The following NRXN1 variants were observed in gnomAD, a reference collection of about 807,000 sequenced individuals.
The protein encoded by NRXN1 is neurexin 1.
NRXN1 carries 39 observed loss-of-function variants against 150.9 expected under a neutral mutation model. The observed-to-expected ratio is 0.26, with a 90% CI of 0.20 to 0.34. The LOEUF (loss-of-function observed/expected upper bound fraction) is 0.34, where lower values mean the gene tolerates loss of function less well. NRXN1 is among the 10% of genes least tolerant of loss of function. NRXN1 has a pLI of 1.00. For missense variants in NRXN1, 1,815 were observed against 1,949.9 expected, an observed-to-expected ratio of 0.93 and a Z score of 1.30; for synonymous variants, 924 against 757.0, an observed-to-expected ratio of 1.22 and a Z score of -3.62.
chr2:50,032,276 T>A (rs1256954832), intron 21 of NRXN1, among the ~76,000 whole-genome samples: 2 of 152,060 alleles, frequency 1.3e-5, no homozygotes, highest in Non-Finnish European at 2.9e-5. Context: ...ACAATTAATA[T>A]TTTCCTCAGC....
chr2:50,894,449 T>C (rs927483868), intron 5 of NRXN1, among the ~76,000 whole-genome samples: 1 of 151,798 alleles, frequency 6.6e-6, no homozygotes, highest in Admixed American at 6.6e-5. Flanking sequence ...AATTCAAGAT[T>C]TGTCCTGATT....
intron 12 of NRXN1, among the ~76,000 whole-genome samples, chr2:50,509,259 C>T (rs1225362622): frequency 6.6e-6 from 1 of 152,170 alleles, no homozygotes; most frequent in African/African-American, 2.4e-5. Flanking sequence ...TTCTCACTTT[C>T]CCCATATTGG....
At chr2:50,342,667 A>G (rs2077632695) in intron 17 of NRXN1, among the ~76,000 whole-genome samples, 1 of 152,228 alleles carries the variant, frequency 6.6e-6, no homozygotes, top group African/African-American at 2.4e-5. Context: ...AGTGTGCATT[A>G]TTGTTAAAAC....
Position 50,725,949 on chromosome 2 carries a change from A to G in NRXN1, c.833-102334T>C, listed in dbSNP as rs191105810. On this transcript the variant is annotated intron_variant, in intron 5 of 22. Transcript: ENST00000401669. Reference sequence around the variant, plus strand: ...CAAGAGAGCATGGAGTTGACTATAAAATGAAATTTGTTTCTAGTTGCTTAT... The same window carrying G: ...CAAGAGAGCATGGAGTTGACTATAAGATGAAATTTGTTTCTAGTTGCTTAT... Among the ~76,000 whole-genome samples, 172 of 152,298 alleles carry G rather than the reference A, an allele frequency of 1.1e-3. 1 individual carries two copies. The highest frequency in any genetic ancestry group is 2.0e-3 in the Non-Finnish European group (133 of 68,024).
chr2:50,047,073 A>G (rs1691921525), intron 21 of NRXN1, among the ~76,000 whole-genome samples: 1 of 152,158 alleles, frequency 6.6e-6, no homozygotes, highest in Admixed American at 6.5e-5. Flanking sequence ...TGCATTTTCA[A>G]AAGGATAGTC....
intron 21 of NRXN1, among the ~76,000 whole-genome samples, chr2:50,042,167 T>C (rs1031278072): frequency 3.3e-5 from 5 of 152,214 alleles, no homozygotes; most frequent in African/African-American, 4.8e-5. Context: ...ATATATACCA[T>C]CTTTATTCTC....
At chr2:50,531,738 C>T (rs1225623842) in intron 10 of NRXN1, among the ~76,000 whole-genome samples, 1 of 151,996 alleles carries the variant, frequency 6.6e-6, no homozygotes, top group South Asian at 2.1e-4. Flanking sequence ...TGATTATATG[C>T]CCCCCTTCTC....
chr2:50,976,411 T>G (rs1398876651), intron 2 of NRXN1, among the ~76,000 whole-genome samples: 2 of 151,972 alleles, frequency 1.3e-5, no homozygotes, highest in Non-Finnish European at 2.9e-5. Flanking sequence ...TCTTCTTTAA[T>G]TGCTGTGTCA....
chr2:50,047,140 T>C (rs569372838), intron 21 of NRXN1, among the ~76,000 whole-genome samples: 1 of 151,764 alleles, frequency 6.6e-6, no homozygotes, highest in East Asian at 1.9e-4. Flanking sequence ...AAGCAGGAGG[T>C]GATGAGATTC....
At chr2:50,842,576 G>A (rs1010264626) in intron 5 of NRXN1, among the ~76,000 whole-genome samples, 4 of 152,208 alleles carry the variant, frequency 2.6e-5, no homozygotes, top group East Asian at 1.9e-4. Context: ...CTGCTTTAGC[G>A]TCTAAATATT....
chr2:50,827,298 C>T (rs910400633), intron 5 of NRXN1, among the ~76,000 whole-genome samples: 2 of 152,182 alleles, frequency 1.3e-5, no homozygotes. Flanking sequence ...TCATGAATAT[C>T]ACAATATAGA....
chr2:50,792,361 A>C (rs1235029257), intron 5 of NRXN1, among the ~76,000 whole-genome samples: 1 of 152,142 alleles, frequency 6.6e-6, no homozygotes. Flanking sequence ...TTTAGAGATC[A>C]TGTCCATCTT....
At chr2:50,377,016 T>G (rs977214781) in intron 17 of NRXN1, among the ~76,000 whole-genome samples, 2 of 151,920 alleles carry the variant, frequency 1.3e-5, no homozygotes, top group African/African-American at 4.8e-5. Context: ...AGATTGAACA[T>G]CTTTTCACGT....
intron 17 of NRXN1, among the ~76,000 whole-genome samples, chr2:50,281,207 C>T (rs1574910166): frequency 6.6e-6 from 1 of 150,736 alleles, no homozygotes; most frequent in South Asian, 2.1e-4. Context: ...GTCCCAGCTA[C>T]TCGGGAGGCT....
intron 17 of NRXN1, among the ~76,000 whole-genome samples, chr2:50,310,901 T>A (rs1303535050): frequency 1.3e-5 from 2 of 152,188 alleles, no homozygotes; most frequent in Admixed American, 1.3e-4. Flanking sequence ...ATGGATGATC[T>A]TTTTCATTAT....
At chr2:50,927,389 T>C (rs1205745790) in intron 2 of NRXN1, among the ~76,000 whole-genome samples, 2 of 152,046 alleles carry the variant, frequency 1.3e-5, no homozygotes, top group African/African-American at 2.4e-5. Context: ...CTTTACACAA[T>C]ACTTGGTTTT....
chr2:50,741,357 A>G (rs1458701197), intron 5 of NRXN1, among the ~76,000 whole-genome samples: 1 of 152,144 alleles, frequency 6.6e-6, no homozygotes, highest in Non-Finnish European at 1.5e-5. Flanking sequence ...TAGACTATCT[A>G]TGACACTTTG....
chr2:50,075,680 T>A (rs1410796934), intron 19 of NRXN1, among the ~76,000 whole-genome samples: 3 of 152,204 alleles, frequency 2.0e-5, no homozygotes, highest in Non-Finnish European at 2.9e-5. Context: ...TGAATGATAA[T>A]TTTTATGATC....
intron 5 of NRXN1, among the ~76,000 whole-genome samples, chr2:50,730,148 A>G (rs561035955): frequency 6.6e-6 from 1 of 152,250 alleles, no homozygotes; most frequent in South Asian, 2.1e-4. Context: ...ACATTTTACC[A>G]CAGGGCTCTA....
Sources: allele counts gnomAD v4.1 joint callset (sites outside exome capture counted in the v4.1 genomes callset), GRCh38; gene constraint gnomAD v4.1.1; transcripts MANE v1.5; gene names NCBI Gene and HGNC (gene_info 2026-07-23, HGNC 2026-07-21).